ALK: variants seen among roughly 807,000 people sequenced by gnomAD.
ALK encodes the protein ALK receptor tyrosine kinase.
Under a neutral mutation model 163.1 loss-of-function variants are expected in ALK, and 74 were observed. That is an observed-to-expected ratio of 0.45 (90% CI 0.38 to 0.55). The LOEUF (loss-of-function observed/expected upper bound fraction) is 0.55. Ranked by LOEUF, ALK falls within the 20% of genes least tolerant of loss-of-function variation. ALK has a pLI of 0.00. For synonymous variants in ALK, 960 were observed against 843.2 expected (o/e 1.14, Z -2.40); for missense variants, 2,063 against 2,105.3 (o/e 0.98, Z 0.39).
At position 29,294,614 on chromosome 2, in the gene ALK, G is replaced by A. The variant is rs148527938; in HGVS notation, c.1817+2274C>T. The stretch of plus-strand genomic sequence containing the variant: ...GCTATTTGTTTAATAAATTATTACT[G>A]AGGCCAAATAACTGAAAGATGCAGA... On this transcript the variant is annotated intron_variant, in intron 9 of 28. Transcript: ENST00000389048. Among the ~76,000 whole-genome samples, 240 of 152,312 alleles carry A rather than the reference G, an allele frequency of 1.6e-3. 1 individual carries two copies. The highest frequency in any genetic ancestry group is 2.8e-3 in the Non-Finnish European group (189 of 68,036).
intron 11 of ALK, among the ~76,000 whole-genome samples, chr2:29,261,463 A>G (rs1665087315): frequency 6.6e-6 from 1 of 151,866 alleles, no homozygotes; most frequent in South Asian, 2.1e-4. Flanking sequence ...TTAAATGTAG[A>G]AATCATTTGA....
rs141626429 is a variant in ALK at position 29,281,865 on chromosome 2, C to A, written c.1818-6369G>T. Among the ~76,000 whole-genome samples, 55 of 152,376 alleles carry A rather than the reference C, an allele frequency of 3.6e-4. 2 individuals carry two copies. In the East Asian group the frequency reaches 9.4e-3, roughly 26 times the overall value. Reference sequence around the variant, plus strand: ...GTACGACTCAGAAAATGTACCATCTCATTCAGGCAACAGACTGTTAATGGA... The same window carrying A: ...GTACGACTCAGAAAATGTACCATCTAATTCAGGCAACAGACTGTTAATGGA... On this transcript the variant is annotated intron_variant, in intron 9 of 28. Coordinates refer to ENST00000389048, the MANE Select transcript of ALK (RefSeq NM_004304.5).
At chr2:29,829,034 A>G (rs1484656918) in intron 1 of ALK, among the ~76,000 whole-genome samples, 1 of 151,848 alleles carries the variant, frequency 6.6e-6, no homozygotes, top group Non-Finnish European at 1.5e-5. Flanking sequence ...ATGAAGCTGG[A>G]AACCATCATT....
In ALK at chr2:29,695,831, G is replaced by T. The variant is rs186694699; in HGVS notation, c.788-817C>A. Among the ~76,000 whole-genome samples the T allele has an allele frequency of 1.2e-4, 18 of 152,324 alleles. No individual in the cohort carries two copies. In the East Asian group the frequency reaches 3.5e-3, roughly 29 times the overall value. On this transcript the variant is annotated intron_variant, in intron 2 of 28. Coordinates refer to ENST00000389048, the MANE Select transcript of ALK (RefSeq NM_004304.5). Reference sequence around the variant, plus strand: ...CACAATGAGATACCATCTCACACCAGTTAGAATGGCGATCATTAAAAAGGA... The same window carrying T: ...CACAATGAGATACCATCTCACACCATTTAGAATGGCGATCATTAAAAAGGA...
intron 4 of ALK, among the ~76,000 whole-genome samples, chr2:29,489,684 G>A (rs548139510): frequency 6.6e-6 from 1 of 152,330 alleles, no homozygotes; most frequent in African/African-American, 2.4e-5. Context: ...GCATGAAGCA[G>A]TGTTTTACAG....
intron 4 of ALK, among the ~76,000 whole-genome samples, chr2:29,396,780 A>G (rs1241566339): frequency 7.2e-6 from 1 of 139,442 alleles, no homozygotes; most frequent in Non-Finnish European, 1.5e-5. Flanking sequence ...GGGCTCCTTC[A>G]TCCTCCACAT....
chr2:29,554,545 A>T (rs1193530437), intron 3 of ALK, among the ~76,000 whole-genome samples: 1 of 152,208 alleles, frequency 6.6e-6, no homozygotes, highest in East Asian at 1.9e-4. Context: ...AACAGTAACC[A>T]CTTGAATATC....
intron 1 of ALK, among the ~76,000 whole-genome samples, chr2:29,785,779 C>G (rs923485389): frequency 6.6e-5 from 10 of 152,206 alleles, no homozygotes; most frequent in Admixed American, 1.3e-4. Flanking sequence ...CACCACCCCC[C>G]ACCCCCGGCC....
intron 4 of ALK, among the ~76,000 whole-genome samples, chr2:29,477,022 C>T (rs868705937): frequency 2.6e-5 from 4 of 152,240 alleles, no homozygotes; most frequent in Middle Eastern, 3.4e-3. Flanking sequence ...AGGGGTGGAG[C>T]AGCAGGATCT....
intron 26 of ALK, 112 bp downstream of exon 26, chr2:29,207,059 T>A (rs1302867360): frequency 1.2e-6 from 1 of 810,942 alleles, no homozygotes; most frequent in Non-Finnish European, 2.2e-6. Context: ...TTGATTCTTC[T>A]CTTTTCCCTC....
chr2:29,461,301 T>A (rs1162178588), intron 4 of ALK, among the ~76,000 whole-genome samples: 1 of 152,194 alleles, frequency 6.6e-6, no homozygotes, highest in Non-Finnish European at 1.5e-5. Flanking sequence ...CTAGGTAAGA[T>A]CACTGATGAA....
chr2:29,589,716 CT>C (rs1674992233), intron 3 of ALK, among the ~76,000 whole-genome samples: 1 of 152,182 alleles, frequency 6.6e-6, no homozygotes, highest in African/African-American at 2.4e-5. Context: ...ATGGTTACAG[CT>C]CGGGAAGTTA....
chr2:29,395,662 T>A (rs758334277), intron 4 of ALK, among the ~76,000 whole-genome samples: 14 of 152,176 alleles, frequency 9.2e-5, no homozygotes, highest in Non-Finnish European at 1.6e-4. Flanking sequence ...CCCCTGCCTT[T>A]CTGTATAGAG....
intron 1 of ALK, among the ~76,000 whole-genome samples, chr2:29,895,890 A>G (rs1572479192): frequency 6.6e-6 from 1 of 152,216 alleles, no homozygotes; most frequent in South Asian, 2.1e-4. Context: ...GAAAGAGGGT[A>G]GGCTACAGGT....
chr2:29,810,612 A>C (rs1416419849), intron 1 of ALK, among the ~76,000 whole-genome samples: 2 of 152,142 alleles, frequency 1.3e-5, no homozygotes, highest in Non-Finnish European at 2.9e-5. Context: ...TCCCAGTTTC[A>C]ACGTTGACTG....
intron 1 of ALK, among the ~76,000 whole-genome samples, chr2:29,873,279 A>G (rs943449433): frequency 6.6e-5 from 10 of 152,210 alleles, no homozygotes; most frequent in African/African-American, 1.9e-4. Context: ...CTTCTCCTCA[A>G]TACTCCCAAA....
At chr2:29,703,251 A>G (rs78070375) in intron 2 of ALK, among the ~76,000 whole-genome samples, 442 of 152,320 alleles carry the variant, frequency 2.9e-3, no homozygotes, top group African/African-American at 0.01. Flanking sequence ...CTACTGGGAT[A>G]CAGAGCCTGA....
chr2:29,226,946 C>T lies in ALK; in HGVS notation c.3043G>A (p.Ala1015Thr), dbSNP rs1263029598. 6.2e-7 allele frequency: 1 copy of T among 1,614,186 alleles called. No homozygotes were observed. Among genetic ancestry groups the T allele is most frequent in the Non-Finnish European group, 8.5e-7 (1 of 1,180,032 alleles). The part of the protein sequence containing the change: ...ICFCDHGTVL[A>T]EDGVSCIVSP... Reference sequence around the variant, plus strand: ...CCAATGCAGGAGACGCCATCCTCAGCCAGCACCGTCCCGTGGTCACAGAAG... The same window carrying T: ...CCAATGCAGGAGACGCCATCCTCAGTCAGCACCGTCCCGTGGTCACAGAAG... The change falls in exon 18 of 29, where the codon GCT becomes ACT. Residue 1015 changes from alanine (A) to threonine (T), a missense_variant. By Grantham distance (58) the Ala-to-Thr change is moderately conservative. This residue lies in a region of ALK where 575 missense variants were observed against 626.6 expected (regional missense o/e 0.92). Transcript: ENST00000389048.
chr2:29,609,653 T>C (rs1168912707), intron 3 of ALK, among the ~76,000 whole-genome samples: 1 of 152,136 alleles, frequency 6.6e-6, no homozygotes, highest in East Asian at 1.9e-4. Flanking sequence ...CATTTTTTTT[T>C]TTTTTTCAGA....
Sources: gnomAD v4.1 joint callset for allele counts (sites outside exome capture counted in the v4.1 genomes callset) on GRCh38, gnomAD v4.1.1 for gene constraint, gnomAD v4.1.1 regional missense constraint, MANE v1.5 for transcripts, NCBI Gene and HGNC (gene_info 2026-07-23, HGNC 2026-07-21) for gene names.